The following CAPN6 variants were observed in gnomAD, a reference collection of about 807,000 sequenced individuals.
The protein encoded by CAPN6 is calpain-6.
In CAPN6, 16 loss-of-function variants were observed where a neutral mutation model predicts 46.0. The observed-to-expected ratio is 0.35, with a 90% CI of 0.24 to 0.53. The LOEUF is 0.53. Ranked by LOEUF, CAPN6 falls within the 20% of genes least tolerant of loss-of-function variation. The pLI is 0.94. For missense variants in CAPN6, 461 were observed against 498.0 expected (o/e 0.93, Z 0.71); for synonymous variants, 206 against 172.8 (o/e 1.19, Z -1.51).
In CAPN6 at chrX:111,246,440, A is replaced by T. The variant is rs1295161404; in HGVS notation, c.*137T>A. 1.9e-6 allele frequency: 1 copy of T among 537,098 alleles called. No homozygotes were observed. Among genetic ancestry groups the T allele is most frequent in the East Asian group, 3.6e-5 (1 of 27,988 alleles). The allele number at this position is 537,098 out of a possible 1,213,427, so 44.3% of individuals were successfully genotyped here. On this transcript the variant is annotated 3_prime_UTR_variant, in exon 13 of 13. Transcript: ENST00000324068. ...GCTACTTGGATTGGGAGGTATGGGG[A>T]ATTTATCAGAAGAGAGGAAGAGTTA...
At chrX:111,258,240 G>A (rs755490771) in intron 2 of CAPN6, among the ~76,000 whole-genome samples, 7 of 111,711 alleles carry the variant, frequency 6.3e-5, no homozygotes, top group African/African-American at 9.8e-5. Context: ...AGGGTAAACC[G>A]CAGGAACCTC....
intron 2 of CAPN6, among the ~76,000 whole-genome samples, chrX:111,260,228 T>C (rs1045168041): frequency 1.5e-5 from 1 of 64,938 alleles, no homozygotes; most frequent in East Asian, 4.7e-4. Context: ...AAGTGGCAAG[T>C]GGGAGGAGGG....
intron 3 of CAPN6, among the ~76,000 whole-genome samples, chrX:111,253,731 T>C (rs1296537797): frequency 8.9e-6 from 1 of 112,506 alleles, no homozygotes; most frequent in Non-Finnish European, 1.9e-5. Flanking sequence ...TACACATTAA[T>C]ATTCTAAAAT....
intron 2 of CAPN6, among the ~76,000 whole-genome samples, chrX:111,260,143 A>G (rs2094986752): frequency 8.9e-6 from 1 of 112,171 alleles, no homozygotes; most frequent in Non-Finnish European, 1.9e-5. Context: ...GTATGGGCAG[A>G]TGATCTGGCA....
chrX:111,255,083 T>C (rs1393837336), intron 2 of CAPN6, among the ~76,000 whole-genome samples: 1 of 111,377 alleles, frequency 9.0e-6, no homozygotes, highest in East Asian at 2.8e-4. Context: ...CTGGGCAGAG[T>C]GGGGGCAGTA....
chrX:111,252,364 T>G lies in CAPN6; in HGVS notation c.642A>C (p.Leu214=), dbSNP rs1428116938. The G allele has an allele frequency of 1.2e-5, 14 of 1,207,794 alleles. No individual in the cohort carries two copies. The highest frequency in any genetic ancestry group is 1.5e-5 in the Non-Finnish European group (13 of 893,738). ...YTELVEEKYK[L]FGELYKTFTK... ...TAAATGTTTTGTACAGTTCTCCGAA[T>G]AGCTTGTACTTCTCCTCAACAAGCT... Residue 214 remains leucine, a synonymous_variant, in exon 5 of 13, where the codon CTA becomes CTC. Coordinates refer to ENST00000324068, the MANE Select transcript of CAPN6 (RefSeq NM_014289.4).
At chrX:111,269,652 T>C (rs1323814868) in intron 1 of CAPN6, among the ~76,000 whole-genome samples, 1 of 111,671 alleles carries the variant, frequency 9.0e-6, no homozygotes, top group Non-Finnish European at 1.9e-5. Context: ...CCTAGAACAG[T>C]GTACTTGGCC....
Position 111,254,383 on chromosome X carries a change from A to T in CAPN6, c.186T>A (p.His62Gln). The T allele has an allele frequency of 2.5e-6, 3 of 1,207,156 alleles. No individual in the cohort carries two copies. Among genetic ancestry groups the T allele is most frequent in the Middle Eastern group, 2.3e-4 (1 of 4,332 alleles). Residue 62 changes from histidine (H) to glutamine (Q), a missense_variant, in exon 3 of 13, where the codon CAT (histidine) becomes CAA (glutamine). Coordinates refer to ENST00000324068, the MANE Select transcript of CAPN6 (RefSeq NM_014289.4). The part of the protein sequence containing the change: ...KRPQDICDDP[H>Q]LIVGNISNHQ... ...GGTTGCTAATGTTGCCCACAATCAG[A>T]TGGGGGTCATCACAGATGTCCTATG...
At chrX:111,255,374 C>T (rs2094982938) in intron 2 of CAPN6, among the ~76,000 whole-genome samples, 1 of 112,089 alleles carries the variant, frequency 8.9e-6, no homozygotes. Flanking sequence ...GAGAGAAAGG[C>T]ATGGGCAAAG....
At chrX:111,248,516 A>C (rs1410918019) in intron 10 of CAPN6, 53 bp downstream of exon 10, 1 of 951,780 alleles carries the variant, frequency 1.1e-6, no homozygotes, top group Non-Finnish European at 1.5e-6. Context: ...GGGGTTTAGG[A>C]TTGGAAGTAA....
chrX:111,261,170 T>C (rs1031495301), intron 2 of CAPN6, among the ~76,000 whole-genome samples: 2 of 112,678 alleles, frequency 1.8e-5, no homozygotes, highest in African/African-American at 3.2e-5. Flanking sequence ...TAACTCTATC[T>C]ATCTCCCTGA....
At position 111,251,048 on chromosome X, in the gene CAPN6, C is replaced by T; in HGVS notation, c.1027G>A (p.Val343Met). Reference protein sequence around the residue: ...NFHKLNVCRNVNNPIFGRKEL... With the variant: ...NFHKLNVCRNMNNPIFGRKEL... ...TTTCGGCCAAAAATAGGGTTGTTCA[C>T]ATTGCGGCAGACATTCAGTTTGTGA... is the stretch of plus-strand genomic sequence containing the variant. The change falls in exon 8 of 13, where the codon GTG becomes ATG. Residue 343 changes from valine (V) to methionine (M), a missense_variant. Transcript: ENST00000324068. 1 of 1,211,599 alleles carries T rather than the reference C, an allele frequency of 8.3e-7. No individual in the cohort carries two copies. The highest frequency in any genetic ancestry group is 1.1e-6 in the Non-Finnish European group (1 of 895,462).
rs763296366 is a variant in CAPN6 at position 111,250,908 on chromosome X, G to T, written c.1158+9C>A. The T allele has an allele frequency of 4.2e-6, 5 of 1,200,421 alleles. No individual in the cohort carries two copies. Among genetic ancestry groups the T allele is most frequent in the Non-Finnish European group, 5.6e-6 (5 of 889,113 alleles). On this transcript the variant is annotated intron_variant, in intron 8 of 12. Coordinates refer to ENST00000324068, the MANE Select transcript of CAPN6 (RefSeq NM_014289.4). ...TAACTTTGAGGCAAATAAAGTAATTGACTCAAACCTGGGGATTCTGCAGGA... is the reference window on the plus strand; with the variant it reads ...TAACTTTGAGGCAAATAAAGTAATTTACTCAAACCTGGGGATTCTGCAGGA...
chrX:111,252,591 A>T (rs2094980583), intron 4 of CAPN6, 92 bp from the exon 5 acceptor site: 2 of 683,718 alleles, frequency 2.9e-6, no homozygotes, highest in Non-Finnish European at 4.2e-6. Context: ...CCCTGCCTAG[A>T]CTTTACCAGA....
chrX:111,247,079 T>G (rs2094975092), intron 12 of CAPN6, among the ~76,000 whole-genome samples: 2 of 111,497 alleles, frequency 1.8e-5, no homozygotes, highest in Non-Finnish European at 3.8e-5. Context: ...TCCTCTGAAC[T>G]GGCATAAGCT....
chrX:111,253,225 G>C lies in CAPN6; in HGVS notation c.298-9C>G, dbSNP rs1361955150. ...TTATGGTTGGGAATTGTCTAGAAAT[G>C]CAAGAACATTTAATCAAGTGTTATT... On this transcript the variant is annotated splice_polypyrimidine_tract_variant and intron_variant, in intron 3 of 12. Transcript: ENST00000324068. 8.6e-7 allele frequency: 1 copy of C among 1,168,034 alleles called. No homozygotes were observed.
intron 1 of CAPN6, among the ~76,000 whole-genome samples, chrX:111,267,310 G>C (rs1603409384): frequency 1.1e-5 from 1 of 87,456 alleles, no homozygotes; most frequent in Non-Finnish European, 2.0e-5. Flanking sequence ...GGCAGAGTGT[G>C]GTGGGGCTTA....
In CAPN6 at chrX:111,252,368, T is replaced by A. The variant is rs142344627; in HGVS notation, c.638A>T (p.Lys213Met). 533 of 1,208,678 alleles carry A rather than the reference T, an allele frequency of 4.4e-4. No individual in the cohort carries two copies. Among genetic ancestry groups the A allele is most frequent in the Non-Finnish European group, 5.4e-4 (484 of 894,252 alleles). Reference sequence around the variant, plus strand: ...TGTTTTGTACAGTTCTCCGAATAGCTTGTACTTCTCCTCAACAAGCTCAGT... The same window carrying A: ...TGTTTTGTACAGTTCTCCGAATAGCATGTACTTCTCCTCAACAAGCTCAGT... ...RYTELVEEKY[K>M]LFGELYKTFT... The change falls in exon 5 of 13, where the codon AAG (lysine) becomes ATG (methionine). Residue 213 changes from lysine to methionine, a missense_variant. Coordinates refer to ENST00000324068, the MANE Select transcript of CAPN6 (RefSeq NM_014289.4).
chrX:111,250,991 C>T lies in CAPN6; in HGVS notation c.1084G>A (p.Val362Met), dbSNP rs986329859. The change falls in exon 8 of 13, where the codon GTG becomes ATG. Residue 362 changes from valine to methionine, a missense_variant. By Grantham distance (21) the Val-to-Met change is conservative (BLOSUM62 1). Transcript: ENST00000324068. The stretch of plus-strand genomic sequence containing the variant: ...CGGTTCATCAGGGGATCATCATCCA[C>T]AGTCCAGCATCCCAACACCGATTCC... ...ELESVLGCWT[V>M]DDDPLMNRSG... 4 of 1,211,349 alleles carry T rather than the reference C, an allele frequency of 3.3e-6. No homozygotes were observed. Among genetic ancestry groups the T allele is most frequent in the Middle Eastern group, 2.3e-4 (1 of 4,355 alleles).
Sources: allele counts gnomAD v4.1 joint callset (sites outside exome capture counted in the v4.1 genomes callset), GRCh38; gene constraint gnomAD v4.1.1; transcripts MANE v1.5; gene names NCBI Gene and HGNC (gene_info 2026-07-23, HGNC 2026-07-21).